Variants in ANKLE2 observed in about 807,000 individuals in gnomAD.
The protein encoded by ANKLE2 is ankyrin repeat and LEM domain containing 2, also known as ankyrin repeat and LEM domain-containing protein 2.
A neutral mutation model predicts 84.2 loss-of-function variants in ANKLE2; 55 were observed. The ratio of observed to expected loss-of-function variants is 0.65; its 90% CI spans 0.53 to 0.82. The LOEUF is 0.82. Among genes scored for constraint, ANKLE2 ranks in the 40% least tolerant of loss-of-function variants. ANKLE2 has a pLI of 0.00. For synonymous variants in ANKLE2, 551 were observed against 486.1 expected (o/e 1.13, Z -1.76); for missense variants, 1,238 against 1,201.9 (o/e 1.03, Z -0.44).
intron 1 of ANKLE2, chr12:132,760,956 A>G (rs1221861829): frequency 6.6e-6 from 1 of 152,350 alleles, no homozygotes; most frequent in Non-Finnish European, 1.5e-5. Flanking sequence ...CTCAGCCTAC[A>G]AAAGACATCA....
chr12:132,732,439 A>G (rs868289428), intron 10 of ANKLE2, among the ~76,000 whole-genome samples: 2 of 142,242 alleles, frequency 1.4e-5, no homozygotes, highest in Non-Finnish European at 3.1e-5. Flanking sequence ...GGTGTCTGAT[A>G]TGCACCGTGT....
chr12:132,747,808 C>T (rs773002753), intron 5 of ANKLE2, 24 bp downstream of exon 5: 5 of 1,571,050 alleles, frequency 3.2e-6, no homozygotes, highest in East Asian at 2.3e-5. Context: ...ATAAAGAAAG[C>T]GTGAGTGGAG....
chr12:132,759,558 T>C (rs1317087921), intron 1 of ANKLE2: 1 of 152,230 alleles, frequency 6.6e-6, no homozygotes, highest in East Asian at 1.9e-4. Flanking sequence ...ACGTATCATA[T>C]GCCATGATAT....
At chr12:132,753,312 C>A (rs1438213001) in intron 2 of ANKLE2, among the ~76,000 whole-genome samples, 1 of 151,704 alleles carries the variant, frequency 6.6e-6, no homozygotes, top group Non-Finnish European at 1.5e-5. Context: ...GAGAGAGAGA[C>A]CCCAGTCTCA....
chr12:132,737,173 G>A (rs2044029780), intron 7 of ANKLE2, 108 bp from the exon 8 acceptor site: 1 of 1,218,230 alleles, frequency 8.2e-7, no homozygotes, highest in Non-Finnish European at 1.1e-6. Flanking sequence ...CTCTGCAAAT[G>A]GATCCAACAG....
At chr12:132,736,430 C>T (rs2044010443) in intron 8 of ANKLE2, among the ~76,000 whole-genome samples, 1 of 152,222 alleles carries the variant, frequency 6.6e-6, no homozygotes, top group Non-Finnish European at 1.5e-5. Flanking sequence ...ATGAGTAGAA[C>T]CTGGGGCTGA....
At chr12:132,742,868 G>A (rs144414323) in intron 6 of ANKLE2, among the ~76,000 whole-genome samples, 86 of 13,470 alleles carry the variant, frequency 6.4e-3, no homozygotes, top group South Asian at 0.017. Flanking sequence ...TGTGTTCAGA[G>A]AGGGAACTTG....
Position 132,748,203 on chromosome 12 carries a change from A to G in ANKLE2, c.976T>C (p.Ser326Pro). The G allele has an allele frequency of 6.2e-7, 1 of 1,614,070 alleles. No homozygotes were observed. The change falls in exon 4 of 13, where the codon TCT becomes CCT. Residue 326 changes from serine (S) to proline (P), a missense_variant. By Grantham distance (74) the Ser-to-Pro change is moderately conservative. Transcript: ENST00000357997. ...AVEKGEEDTF[S>P]DLIWSNPRYL... ...CGGGGGTTGCTCCAGATAAGGTCAG[A>G]AAAGGTGTCCTCCTCTCCCTTCTCC...
chr12:132,754,761 G>C lies in ANKLE2; in HGVS notation c.554C>G (p.Thr185Ser), dbSNP rs368798125. 15 of 1,614,112 alleles carry C rather than the reference G, an allele frequency of 9.3e-6. No individual in the cohort carries two copies. The highest frequency in any genetic ancestry group is 1.7e-5 in the Admixed American group (1 of 60,020). The change falls in exon 2 of 13, where the codon ACC becomes AGC. Residue 185 changes from threonine to serine, a missense_variant. Thr to Ser is a moderately conservative substitution (Grantham distance 58, BLOSUM62 1). Around this residue, in one of 3 missense-constraint regions of ANKLE2, gnomAD observed 422 missense variants for 394.5 expected, o/e 1.07. Transcript: ENST00000357997. ...AGACGCAGTCGCTCCAGCTCTGTAG[G>C]TGTCGGTGTCACTAGGGGGCACCGA... ...TCSVPPSDTD[T>S]YRAGATASKE...
At chr12:132,751,152 G>T (rs1262778257) in intron 2 of ANKLE2, 2 of 216,582 alleles carry the variant, frequency 9.2e-6, no homozygotes. Flanking sequence ...ATTATTAAAA[G>T]GCAAATTAAA....
Position 132,736,967 on chromosome 12 carries a change from T to C in ANKLE2, c.1519A>G (p.Ser507Gly). 1.9e-6 allele frequency: 3 copies of C among 1,613,912 alleles called. No individual in the cohort carries two copies. Among genetic ancestry groups the C allele is most frequent in the Non-Finnish European group, 2.5e-6 (3 of 1,179,912 alleles). ...TCTCTGGGGCTGCCTCCATAGCGGC[T>C]GACGTGAGAGGCCTCAGCCGTCTGG... ...PDQTAEASHV[S>G]RYGGSPRDPV... The change falls in exon 8 of 13, where the codon AGC (serine) becomes GGC (glycine). Residue 507 changes from serine (S) to glycine (G), a missense_variant. Around this residue, in one of 3 missense-constraint regions of ANKLE2, gnomAD observed 802 missense variants for 774.5 expected, o/e 1.04. Transcript: ENST00000357997.
chr12:132,741,741 G>A, intron 6 of ANKLE2: 1 of 607,162 alleles, frequency 1.6e-6, no homozygotes, highest in Non-Finnish European at 3.1e-6. Flanking sequence ...TTTTCTAACT[G>A]TCTGCAAGGA....
Position 132,730,269 on chromosome 12 carries a change from G to T in ANKLE2, c.1893C>A (p.Gly631=). 1 of 1,554,238 alleles carries T rather than the reference G, an allele frequency of 6.4e-7. No individual in the cohort carries two copies. Residue 631 remains glycine (G), a splice_region_variant and synonymous_variant, in exon 11 of 13, where the codon GGC becomes GGA. Transcript: ENST00000357997. The stretch of plus-strand genomic sequence containing the variant: ...ACGCCCTCACGGAAATGGAATTGCT[G>T]CCTGTGAGGACAACAAGGAGCACTT... ...ASCRDKATTS[G]SNSISVRAFL... is the part of the protein sequence containing the mutation.
chr12:132,754,566 GGATTGGATTTTTTCCTTCTTAATCT>G lies in ANKLE2; in HGVS notation c.640+84_640+108del, dbSNP rs527303762. 42 of 1,057,176 alleles carry G rather than the reference GGATTGGATTTTTTCCTTCTTAATCT, an allele frequency of 4.0e-5. No individual in the cohort carries two copies. In the Middle Eastern group the frequency reaches 9.7e-4, roughly 24 times the overall value. 65.5% of individuals were successfully genotyped at this position (1,057,176 alleles called of 1,614,324 possible). On this transcript the variant is annotated intron_variant, in intron 2 of 12. Transcript: ENST00000357997. The stretch of plus-strand genomic sequence containing the variant: ...GTTAACTGGGGTGATGAGATGGAGG[GGATTGGATTTTTTCCTTCTTAATCT>G]GTAGTTTTCCATTTTCAGACGTCAT...
rs776948958 is a variant in ANKLE2 at position 132,750,734 on chromosome 12, T to C, written c.756A>G (p.Gly252=). The C allele has an allele frequency of 2.5e-6, 4 of 1,614,198 alleles. No homozygotes were observed. Among genetic ancestry groups the C allele is most frequent in the South Asian group, 1.1e-5 (1 of 91,082 alleles). The change falls in exon 3 of 13, where the codon GGA becomes GGG. Residue 252 remains glycine (G), a synonymous_variant. Transcript: ENST00000357997. ...TTGGAGAAGGGAAATAATCACAAAT[T>C]CCTCTAGCAAATTTCTCAGCGTCTT... is the stretch of plus-strand genomic sequence containing the variant. The part of the protein sequence containing the change: ...TREDAEKFAR[G]ICDYFPSPSK...
chr12:132,735,339 C>T, intron 9 of ANKLE2, 67 bp downstream of exon 9: 2 of 1,409,394 alleles, frequency 1.4e-6, no homozygotes, highest in Middle Eastern at 3.5e-4. Context: ...GTGATTTGAC[C>T]TTCTGTCATT....
Position 132,729,931 on chromosome 12 carries a change from A to G in ANKLE2, c.2231T>C (p.Ile744Thr), listed in dbSNP as rs762082409. ...TGGTGTCTTGGAAACGCTACGTCCTATATTTTGCAAATTCAGTTTATCAAA... is the reference window on the plus strand; with the variant it reads ...TGGTGTCTTGGAAACGCTACGTCCTGTATTTTGCAAATTCAGTTTATCAAA... ...VEFDKLNLQN[I>T]GRSVSKTPDE... Residue 744 changes from isoleucine (I) to threonine (T), a missense_variant, in exon 11 of 13, where the codon ATA (isoleucine) becomes ACA (threonine). Physicochemically the swap from Ile to Thr is moderately conservative, Grantham distance 89 (BLOSUM62 -1). This residue lies in a region of ANKLE2 where 802 missense variants were observed against 774.5 expected (regional missense o/e 1.04). Coordinates refer to ENST00000357997, the MANE Select transcript of ANKLE2 (RefSeq NM_015114.3). 1 of 1,613,612 alleles carries G rather than the reference A, an allele frequency of 6.2e-7. No individual in the cohort carries two copies. The highest frequency in any genetic ancestry group is 8.5e-7 in the Non-Finnish European group (1 of 1,179,910).
At position 132,729,905 on chromosome 12, in the gene ANKLE2, C is replaced by A; in HGVS notation, c.2257G>T (p.Asp753Tyr). Residue 753 changes from aspartate (D) to tyrosine (Y), a missense_variant, in exon 11 of 13, where the codon GAT becomes TAT. Physicochemically the swap from Asp to Tyr is radical, Grantham distance 160 (BLOSUM62 -3). Transcript: ENST00000357997. Reference protein sequence around the residue: ...NIGRSVSKTPDESTKTKDQIL... With the variant: ...NIGRSVSKTPYESTKTKDQIL... ...TGATCTTTAGTTTTTGTACTTTCAT[C>A]TGGTGTCTTGGAAACGCTACGTCCT... 1 of 1,613,680 alleles carries A rather than the reference C, an allele frequency of 6.2e-7. No homozygotes were observed. Among genetic ancestry groups the A allele is most frequent in the African/African-American group, 1.3e-5 (1 of 74,990 alleles).
intron 1 of ANKLE2, chr12:132,759,896 A>G (rs7955951): frequency 0.038 from 5,756 of 152,254 alleles, 109 homozygotes; most frequent in Admixed American, 0.063. Context: ...CATTTTGGGA[A>G]GCTGAGGCAG....
Sources: gnomAD v4.1 joint callset for allele counts (sites outside exome capture counted in the v4.1 genomes callset) on GRCh38, gnomAD v4.1.1 for gene constraint, gnomAD v4.1.1 regional missense constraint, MANE v1.5 for transcripts, NCBI Gene and HGNC (gene_info 2026-07-23, HGNC 2026-07-21) for gene names.